DENND1A: variants seen among roughly 807,000 people sequenced by gnomAD.
DENND1A encodes the protein DENN domain-containing protein 1A.
A neutral mutation model predicts 113.7 loss-of-function variants in DENND1A; 51 were observed. The observed-to-expected ratio is 0.45, with a 90% CI of 0.36 to 0.57. DENND1A has a LOEUF of 0.57. DENND1A is among the 20% of genes least tolerant of loss of function. The pLI, the probability that DENND1A is intolerant of heterozygous loss-of-function variation, is 0.00. For synonymous variants in DENND1A, 565 were observed against 570.8 expected (o/e 0.99, Z 0.14); for missense variants, 1,258 against 1,395.9 (o/e 0.90, Z 1.57).
chr9:123,725,919 A>G (rs1209307545), intron 5 of DENND1A, among the ~76,000 whole-genome samples: 1 of 152,248 alleles, frequency 6.6e-6, no homozygotes, highest in Non-Finnish European at 1.5e-5. Flanking sequence ...AACAAACAAC[A>G]AAAGAAAAAC....
At chr9:123,676,636 G>T in intron 6 of DENND1A, 84 bp downstream of exon 6, 2 of 1,338,842 alleles carry the variant, frequency 1.5e-6, no homozygotes, top group Non-Finnish European at 2.1e-6. Context: ...CACTTTTTTG[G>T]TAAAATATAA....
chr9:123,590,254 A>G (rs1430831270), intron 11 of DENND1A, among the ~76,000 whole-genome samples: 1 of 152,142 alleles, frequency 6.6e-6, no homozygotes, highest in Non-Finnish European at 1.5e-5. Flanking sequence ...TAGGTATCTG[A>G]TTCCTTCCCT....
At chr9:123,577,653 C>CTTT (rs911844763) in intron 12 of DENND1A, among the ~76,000 whole-genome samples, 2 of 151,090 alleles carry the variant, frequency 1.3e-5, no homozygotes, top group African/African-American at 4.9e-5. Flanking sequence ...TCAGATTGAT[C>CTTT]TTTTAAAGAC....
intron 12 of DENND1A, among the ~76,000 whole-genome samples, chr9:123,559,562 T>A (rs1016879785): frequency 2.6e-5 from 4 of 151,976 alleles, no homozygotes; most frequent in African/African-American, 9.7e-5. Context: ...TGCTGAGAAG[T>A]CTGGGGAAAA....
At chr9:123,761,973 C>T (rs538642600) in intron 4 of DENND1A, among the ~76,000 whole-genome samples, 1 of 152,286 alleles carries the variant, frequency 6.6e-6, no homozygotes, top group East Asian at 1.9e-4. Flanking sequence ...CTAGGAGAAA[C>T]CATCTCACCC....
chr9:123,675,320 A>T (rs948588420), intron 6 of DENND1A, among the ~76,000 whole-genome samples: 2 of 152,196 alleles, frequency 1.3e-5, no homozygotes, highest in African/African-American at 4.8e-5. Context: ...TCACAGAATT[A>T]AAGGGGTTTG....
At chr9:123,430,223 C>A (rs1206171123) in intron 19 of DENND1A, among the ~76,000 whole-genome samples, 1 of 152,168 alleles carries the variant, frequency 6.6e-6, no homozygotes, top group Non-Finnish European at 1.5e-5. Context: ...AAAAGGAACA[C>A]TTTTATATGG....
intron 10 of DENND1A, among the ~76,000 whole-genome samples, chr9:123,617,436 G>A (rs1370242057): frequency 6.6e-6 from 1 of 152,186 alleles, no homozygotes; most frequent in East Asian, 1.9e-4. Context: ...GGAAAGGGAG[G>A]ACAATGCCCT....
chr9:123,694,154 A>G (rs1441663526), intron 5 of DENND1A, among the ~76,000 whole-genome samples: 3 of 152,080 alleles, frequency 2.0e-5, no homozygotes, highest in Non-Finnish European at 4.4e-5. Flanking sequence ...ATTTAACACT[A>G]ACAAATTATT....
At position 123,381,298 on chromosome 9, in the gene DENND1A, G is replaced by T. The variant is rs2042253354; in HGVS notation, c.*134C>A. 3 of 792,752 alleles carry T rather than the reference G, an allele frequency of 3.8e-6. No homozygotes were observed. Among genetic ancestry groups the T allele is most frequent in the Non-Finnish European group, 2.0e-6 (1 of 500,628 alleles). 49.1% of individuals were successfully genotyped at this position (792,752 alleles called of 1,614,324 possible). A position where few individuals can be genotyped will look rare whatever the true frequency, so the allele number is the denominator to read the frequency against. On this transcript the variant is annotated 3_prime_UTR_variant, in exon 24 of 24. Transcript: ENST00000394215. This position sits in a 1 kb window ranked among gnomAD's most constrained non-coding sequence, Gnocchi z 4.7. Reference sequence around the variant, plus strand: ...AGATGGGCAGTGTGGAGGGGAGGAGGGGGCAGCAGAGAGGGGTCCCATCCC... The same window carrying T: ...AGATGGGCAGTGTGGAGGGGAGGAGTGGGCAGCAGAGAGGGGTCCCATCCC...
chr9:123,631,004 T>C (rs1173794329), intron 9 of DENND1A, among the ~76,000 whole-genome samples: 1 of 152,246 alleles, frequency 6.6e-6, no homozygotes, highest in Non-Finnish European at 1.5e-5. Flanking sequence ...TATTAATATA[T>C]TTAGCTACTC....
At chr9:123,518,501 G>A (rs976827344) in intron 13 of DENND1A, among the ~76,000 whole-genome samples, 6 of 152,156 alleles carry the variant, frequency 3.9e-5, no homozygotes, top group African/African-American at 1.4e-4. Flanking sequence ...GAATCCAGCT[G>A]TCCTACTCCT....
intron 5 of DENND1A, 67 bp from the exon 6 acceptor site, chr9:123,676,856 T>A: frequency 7.0e-7 from 1 of 1,431,786 alleles, no homozygotes; most frequent in South Asian, 1.1e-5. Context: ...CAGGATCTAA[T>A]TCAAGACTGA....
chr9:123,858,958 T>C (rs2133257888), intron 2 of DENND1A, among the ~76,000 whole-genome samples: 1 of 152,244 alleles, frequency 6.6e-6, no homozygotes, highest in East Asian at 1.9e-4. Flanking sequence ...AAAAAATCCA[T>C]ACAAAAATAA....
chr9:123,918,041 A>C (rs1250863557), intron 1 of DENND1A, among the ~76,000 whole-genome samples: 1 of 149,854 alleles, frequency 6.7e-6, no homozygotes, highest in African/African-American at 2.5e-5. Flanking sequence ...GTGAGCCCGG[A>C]AGGCAGAGCT....
chr9:123,576,647 C>T lies in DENND1A; in HGVS notation c.867+6522G>A, dbSNP rs997982701. 7.2e-5 allele frequency among the ~76,000 whole-genome samples: 11 copies of T among 152,224 alleles called. No homozygotes were observed. In the South Asian group the frequency reaches 8.3e-4, roughly 12 times the overall value. ...CTGAGTAGCTGGGATTACAGGCACC[C>T]GCCATCATGACTGGCTAATTTTTGT... On this transcript the variant is annotated intron_variant, in intron 12 of 23. Coordinates refer to ENST00000394215, the MANE Select transcript of DENND1A (RefSeq NM_001352964.2).
chr9:123,872,636 T>C (rs1418644495), intron 2 of DENND1A, among the ~76,000 whole-genome samples: 1 of 152,188 alleles, frequency 6.6e-6, no homozygotes, highest in East Asian at 1.9e-4. Flanking sequence ...AAATTTTACA[T>C]ACTCAAGAAC....
intron 2 of DENND1A, among the ~76,000 whole-genome samples, chr9:123,870,435 A>G (rs1386460935): frequency 2.0e-5 from 3 of 148,264 alleles, no homozygotes; most frequent in Admixed American, 6.7e-5. Context: ...ATGCCCGGCT[A>G]ATTTTTTTTT....
At chr9:123,585,207 T>C (rs1009089580) in intron 11 of DENND1A, among the ~76,000 whole-genome samples, 1 of 152,168 alleles carries the variant, frequency 6.6e-6, no homozygotes, top group Non-Finnish European at 1.5e-5. Flanking sequence ...TCCATAAACC[T>C]ATCCATCAAT....
Sources: gnomAD v4.1 joint callset for allele counts (sites outside exome capture counted in the v4.1 genomes callset) on GRCh38, gnomAD v4.1.1 for gene constraint, Gnocchi (gnomAD v3.1) non-coding constraint, MANE v1.5 for transcripts, NCBI Gene and HGNC (gene_info 2026-07-23, HGNC 2026-07-21) for gene names.